The following PLXNA4 variants were observed in gnomAD, a reference collection of about 807,000 sequenced individuals.
PLXNA4 encodes plexin-A4.
Under a neutral mutation model 191.8 loss-of-function variants are expected in PLXNA4, and 44 were observed. That is an observed-to-expected ratio of 0.23 (90% confidence interval 0.18 to 0.29). PLXNA4 has a LOEUF of 0.29. Ranked by LOEUF, PLXNA4 falls within the 10% of genes least tolerant of loss-of-function variation. The probability of loss-of-function intolerance (pLI) is 1.00; values close to 1 mark genes in which losing one functional copy is unlikely to be tolerated. For missense variants in PLXNA4, 1,800 were observed against 2,488.8 expected (o/e 0.72, Z 5.89); for synonymous variants, 1,082 against 1,009.5 (o/e 1.07, Z -1.36).
intron 3 of PLXNA4, among the ~76,000 whole-genome samples, chr7:132,391,801 G>A (rs1793502747): frequency 6.6e-6 from 1 of 152,154 alleles, no homozygotes; most frequent in Non-Finnish European, 1.5e-5. Context: ...CACAATCTTT[G>A]GAGGGCACAA....
At chr7:132,141,377 C>A (rs184878726) in intron 29 of PLXNA4, among the ~76,000 whole-genome samples, 1 of 152,156 alleles carries the variant, frequency 6.6e-6, no homozygotes, top group East Asian at 1.9e-4. Context: ...TAAGCTGGCA[C>A]GCTTGAAAAC....
chr7:132,255,977 C>T (rs1799418110), intron 4 of PLXNA4, among the ~76,000 whole-genome samples: 1 of 152,212 alleles, frequency 6.6e-6, no homozygotes, highest in Non-Finnish European at 1.5e-5. Context: ...ATCAGGGTCT[C>T]CCCTGACCTC....
chr7:132,282,310 C>A (rs1483849310), intron 4 of PLXNA4, among the ~76,000 whole-genome samples: 2 of 152,136 alleles, frequency 1.3e-5, no homozygotes, highest in African/African-American at 4.8e-5. Flanking sequence ...CAATGGCTCA[C>A]GCCTGCAATC....
chr7:132,505,355 A>G (rs1454069354), intron 2 of PLXNA4, among the ~76,000 whole-genome samples: 1 of 152,228 alleles, frequency 6.6e-6, no homozygotes, highest in Non-Finnish European at 1.5e-5. Flanking sequence ...GCCCATGGGC[A>G]GCCAGACGGA....
At chr7:132,444,490 C>T (rs183447625) in intron 3 of PLXNA4, among the ~76,000 whole-genome samples, 1 of 152,208 alleles carries the variant, frequency 6.6e-6, no homozygotes, top group Non-Finnish European at 1.5e-5. Flanking sequence ...CTTGACCTCC[C>T]AAAGTGCTGG....
chr7:132,296,719 G>C (rs1801095767), intron 4 of PLXNA4, among the ~76,000 whole-genome samples: 1 of 152,186 alleles, frequency 6.6e-6, no homozygotes, highest in South Asian at 2.1e-4. Context: ...AAGGAAAGCT[G>C]CTTCCCCTCA....
rs1461178708 is a variant in PLXNA4 at position 132,576,215 on chromosome 7, C to T, written c.-87+207G>A. Among the ~76,000 whole-genome samples, 4 of 152,244 alleles carry T rather than the reference C, an allele frequency of 2.6e-5. No homozygotes were observed. Among genetic ancestry groups the T allele is most frequent in the Non-Finnish European group, 5.9e-5 (4 of 68,044 alleles). ...GAAATCCCTGCTCCGGCCGCTGCAC[C>T]TCCGCGGGCGTCCAGGTGGGACGTG... is the stretch of plus-strand genomic sequence containing the variant. On this transcript the variant is annotated intron_variant, in intron 1 of 31. Transcript: ENST00000321063. The surrounding 1 kb of genome is among the most constrained non-coding windows in gnomAD (Gnocchi z 5.8).
chr7:132,313,021 C>CT (rs1584978817), intron 3 of PLXNA4, among the ~76,000 whole-genome samples: 2 of 152,278 alleles, frequency 1.3e-5, no homozygotes, highest in East Asian at 3.9e-4. Context: ...GCACTGCATT[C>CT]TTTTTTGATG....
At chr7:132,159,986 G>A (rs1159757510) in intron 24 of PLXNA4, among the ~76,000 whole-genome samples, 1 of 152,224 alleles carries the variant, frequency 6.6e-6, no homozygotes, top group East Asian at 1.9e-4. Flanking sequence ...GTGCATGCAT[G>A]CACACGTGCT....
rs768011905 is a variant in PLXNA4, at chr7:132,226,249, C to T, written c.1894G>A (p.Val632Ile). Residue 632 changes from valine (V) to isoleucine (I), a missense_variant, in exon 8 of 32, where the codon GTC (valine) becomes ATC (isoleucine). Transcript: ENST00000321063. ...RIITENGDHH[V>I]VQLQLKSKET... ...TTTGATTTGAGCTGAAGCTGTACGA[C>T]ATGGTGGTCCCCTACAAGGAGAGAT... 6.2e-7 allele frequency: 1 copy of T among 1,613,456 alleles called. No homozygotes were observed.
chr7:132,239,796 A>G (rs1006368434), intron 5 of PLXNA4, among the ~76,000 whole-genome samples: 1 of 152,172 alleles, frequency 6.6e-6, no homozygotes, highest in Non-Finnish European at 1.5e-5. Flanking sequence ...TCTGTGAGTT[A>G]TGTATGTTTC....
At chr7:132,543,762 G>A (rs1246275159) in intron 1 of PLXNA4, among the ~76,000 whole-genome samples, 2 of 152,248 alleles carry the variant, frequency 1.3e-5, no homozygotes, top group Non-Finnish European at 2.9e-5. Context: ...AAGCAAAGGA[G>A]TTCTCCTTGG....
intron 2 of PLXNA4, among the ~76,000 whole-genome samples, chr7:132,489,859 G>T (rs908868781): frequency 6.6e-6 from 1 of 152,206 alleles, no homozygotes; most frequent in Non-Finnish European, 1.5e-5. Flanking sequence ...GCTCCAGGCC[G>T]CTCTGCTCAG....
chr7:132,241,299 A>G, intron 4 of PLXNA4, 133 bp from the exon 5 acceptor site: 1 of 612,594 alleles, frequency 1.6e-6, no homozygotes, highest in Non-Finnish European at 2.9e-6. Flanking sequence ...CTTGGAGCCC[A>G]GTGTGGGAAG....
chr7:132,524,941 C>A (rs1316823065), intron 1 of PLXNA4, among the ~76,000 whole-genome samples: 1 of 152,148 alleles, frequency 6.6e-6, no homozygotes, highest in Non-Finnish European at 1.5e-5. Flanking sequence ...AAGTTACAAT[C>A]TTCACAACTT....
chr7:132,355,817 A>C (rs1286421716), intron 3 of PLXNA4, among the ~76,000 whole-genome samples: 2 of 152,184 alleles, frequency 1.3e-5, no homozygotes, highest in Non-Finnish European at 2.9e-5. Context: ...ATATGATGCC[A>C]ACAGAGAAAA....
At chr7:132,385,442 G>A in intron 3 of PLXNA4, 1 of 1,246,186 alleles carries the variant, frequency 8.0e-7, no homozygotes, top group South Asian at 1.7e-5. Context: ...AATGTATTAA[G>A]AGCCTCAATA....
Position 132,421,698 on chromosome 7 carries a change from T to C in PLXNA4, c.1371+67594A>G, listed in dbSNP as rs574255237. 2.3e-4 allele frequency among the ~76,000 whole-genome samples: 35 copies of C among 152,268 alleles called. No individual in the cohort carries two copies. In the South Asian group the frequency reaches 6.8e-3, roughly 30 times the overall value. ...AATATCAAACACAAAACTTACAACT[T>C]AGTGCTCAAAATGGTAATTATTATT... On this transcript the variant is annotated intron_variant, in intron 3 of 31. Transcript: ENST00000321063.
chr7:132,645,423 C>G (rs1803848379), intron 2 of PLXNA4, among the ~76,000 whole-genome samples: 1 of 152,146 alleles, frequency 6.6e-6, no homozygotes, highest in Non-Finnish European at 1.5e-5. Flanking sequence ...GAAGAAGGTG[C>G]CAGCTTCCCT....
Sources: gnomAD v4.1 joint callset for allele counts (sites outside exome capture counted in the v4.1 genomes callset) on GRCh38, gnomAD v4.1.1 for gene constraint, Gnocchi (gnomAD v3.1) non-coding constraint, MANE v1.5 for transcripts, NCBI Gene and HGNC (gene_info 2026-07-23, HGNC 2026-07-21) for gene names.